The following TXNDC11 variants were observed in gnomAD, a reference collection of about 807,000 sequenced individuals.
The protein encoded by TXNDC11 is thioredoxin domain containing 11, also known as thioredoxin domain-containing protein 11.
In TXNDC11, 68 loss-of-function variants were observed where a neutral mutation model predicts 78.0. The observed-to-expected ratio is 0.87, with a 90% CI of 0.72 to 1.07. The LOEUF is 1.07. TXNDC11 is among the 50% of genes least tolerant of loss of function. The pLI, the probability that TXNDC11 is intolerant of heterozygous loss-of-function variation, is 0.00. For missense variants in TXNDC11, 1,389 were observed against 1,221.8 expected, an observed-to-expected ratio of 1.14 and a Z score of -2.04; for synonymous variants, 571 against 495.2, an observed-to-expected ratio of 1.15 and a Z score of -2.03.
At chr16:11,689,326 T>C (rs1028767464) in intron 8 of TXNDC11, among the ~76,000 whole-genome samples, 1 of 152,182 alleles carries the variant, frequency 6.6e-6, no homozygotes, top group Non-Finnish European at 1.5e-5. Flanking sequence ...GCGTGCAGAA[T>C]GGAAGAGGAA....
At position 11,679,628 on chromosome 16, in the gene TXNDC11, C is replaced by T. The variant is rs767623872; in HGVS notation, c.2444G>A (p.Ser815Asn). ...REIQKLRAEI[S>N]SLQRAQVQVE... ...CTGCACTTGTGCTCGCTGGAGGCTG[C>T]TTATTTCTGCTCTCAGTTTCTGGAT... Residue 815 changes from serine (S) to asparagine (N), a missense_variant, in exon 12 of 12, where the codon AGC becomes AAC. Ser to Asn is a conservative substitution (Grantham distance 46, BLOSUM62 1). Transcript: ENST00000283033. The surrounding 1 kb of genome is among the most constrained non-coding windows in gnomAD (Gnocchi z 4.6). 6 of 1,614,168 alleles carry T rather than the reference C, an allele frequency of 3.7e-6. No homozygotes were observed. The South Asian group carries it at 6.6e-5, about 18-fold the overall frequency.
chr16:11,736,281 A>T, intron 1 of TXNDC11, 48 bp from the exon 2 acceptor site: 4 of 1,412,528 alleles, frequency 2.8e-6, no homozygotes, highest in Non-Finnish European at 3.9e-6. Flanking sequence ...ATCTTCTTCT[A>T]AAAATAGCTC....
Position 11,691,812 on chromosome 16 carries a change from C to G in TXNDC11, c.1378G>C (p.Val460Leu), listed in dbSNP as rs375215030. ...ATTTCAAAAAAGCTGCACTGTGGCACGCTGACCGAGCTCGGCTTCATGCCC... is the reference window on the plus strand; with the variant it reads ...ATTTCAAAAAAGCTGCACTGTGGCAGGCTGACCGAGCTCGGCTTCATGCCC... The part of the protein sequence containing the change: ...SGGMKPSSVS[V>L]PQCSFFEMAA... Residue 460 changes from valine to leucine, a missense_variant, in exon 8 of 12, where the codon GTG (valine) becomes CTG (leucine). By Grantham distance (32) the Val-to-Leu change is conservative. Transcript: ENST00000283033. 6.2e-7 allele frequency: 1 copy of G among 1,614,234 alleles called. No individual in the cohort carries two copies. The highest frequency in any genetic ancestry group is 8.5e-7 in the Non-Finnish European group (1 of 1,180,038).
At chr16:11,720,395 A>C (rs977442520) in intron 5 of TXNDC11, among the ~76,000 whole-genome samples, 1 of 151,290 alleles carries the variant, frequency 6.6e-6, no homozygotes, top group East Asian at 1.9e-4. Context: ...TATACACACA[A>C]AAAAAGATTA....
At chr16:11,741,265 A>G (rs1399179712) in intron 1 of TXNDC11, among the ~76,000 whole-genome samples, 1 of 152,238 alleles carries the variant, frequency 6.6e-6, no homozygotes, top group Admixed American at 6.5e-5. Context: ...GAAATCACAG[A>G]TATCATAGTA....
intron 5 of TXNDC11, among the ~76,000 whole-genome samples, chr16:11,713,701 C>CCA (rs1044566157): frequency 3.3e-5 from 5 of 152,186 alleles, no homozygotes; most frequent in Admixed American, 1.3e-4. Flanking sequence ...CAGGTATGAG[C>CCA]CACAGCGCCC....
chr16:11,706,548 A>G (rs146419088), intron 5 of TXNDC11, among the ~76,000 whole-genome samples: 1 of 152,164 alleles, frequency 6.6e-6, no homozygotes, highest in Non-Finnish European at 1.5e-5. Context: ...GACTCATGAA[A>G]TCTTGCCTAC....
At chr16:11,710,337 G>A (rs1008601513) in intron 5 of TXNDC11, among the ~76,000 whole-genome samples, 2 of 25,102 alleles carry the variant, frequency 8.0e-5, no homozygotes, top group Non-Finnish European at 1.7e-4. Flanking sequence ...TCTCTGTCAC[G>A]TTCTCTTTTT....
chr16:11,742,327 G>T, intron 1 of TXNDC11, 150 bp downstream of exon 1: 1 of 559,522 alleles, frequency 1.8e-6, no homozygotes. Context: ...GTGGGAAGCC[G>T]TGGCCGCAGG....
rs545400656 is a variant in TXNDC11 at position 11,742,688 on chromosome 16, C to CGCTGCT, written c.37_42dup (p.Ser13_Ser14dup). The CGCTGCT allele has an allele frequency of 1.2e-5, 18 of 1,477,850 alleles. No homozygotes were observed. Among genetic ancestry groups the CGCTGCT allele is most frequent in the African/African-American group, 2.9e-5 (2 of 68,436 alleles). The allele number at this position is 1,477,850 out of a possible 1,614,324, so 91.5% of individuals were successfully genotyped here. ...CCCCCTCCCTCGTCCTCGGCGTCCT[C>CGCTGCT]GCTGCTGCTGCTGCCGCCGCCGCGG... On this transcript the variant is annotated inframe_insertion, in exon 1 of 12. Transcript: ENST00000283033.
chr16:11,689,767 C>A (rs2287199), intron 8 of TXNDC11, among the ~76,000 whole-genome samples: 1 of 152,096 alleles, frequency 6.6e-6, no homozygotes, highest in South Asian at 2.1e-4. Flanking sequence ...ACACTGACCC[C>A]ATTTCTCTGG....
At chr16:11,700,302 G>A in intron 6 of TXNDC11, 150 bp downstream of exon 6, 1 of 431,800 alleles carries the variant, frequency 2.3e-6, no homozygotes, top group Non-Finnish European at 4.1e-6. Context: ...GCTCTAGGGT[G>A]GGGCTGTAAG....
Position 11,687,926 on chromosome 16 carries a change from C to G in TXNDC11, c.2084G>C (p.Cys695Ser). ...LLYYAPWCGF[C>S]PSLNHIFIQL... Reference sequence around the variant, plus strand: ...GATGAAGATGTGATTGAGGGATGGACAGAAGCCGCACCACGGAGCGTAATA... The same window carrying G: ...GATGAAGATGTGATTGAGGGATGGAGAGAAGCCGCACCACGGAGCGTAATA... The change falls in exon 10 of 12, where the codon TGT becomes TCT. Residue 695 changes from cysteine to serine, a missense_variant. Transcript: ENST00000283033. 6.2e-7 allele frequency: 1 copy of G among 1,613,926 alleles called. No individual in the cohort carries two copies. The highest frequency in any genetic ancestry group is 1.7e-5 in the Admixed American group (1 of 60,004).
Position 11,730,648 on chromosome 16 carries a change from G to A in TXNDC11, c.696C>T (p.Tyr232=), listed in dbSNP as rs761050015. 2.0e-5 allele frequency: 32 copies of A among 1,613,414 alleles called. No homozygotes were observed. The highest frequency in any genetic ancestry group is 6.7e-5 in the African/African-American group (5 of 74,860). Residue 232 remains tyrosine, a synonymous_variant, in exon 4 of 12, where the codon TAC becomes TAT. Coordinates refer to ENST00000283033, the MANE Select transcript of TXNDC11 (RefSeq NM_015914.7). The stretch of plus-strand genomic sequence containing the variant: ...AGGAGATATGAAAGACAAGTACCTC[G>A]TAGTTTGAGAGAAAATCTAGTAATT... ...QSELLDFLSN[Y]EPGVLGYFEF...
rs149701958 is a variant in TXNDC11, at chr16:11,709,423, ATTTTTTTTTTTTTTT to A, written c.794-8874_794-8860del. Among the ~76,000 whole-genome samples, 183 of 55,578 alleles carry A rather than the reference ATTTTTTTTTTTTTTT, an allele frequency of 3.3e-3. 1 individual carries two copies. The highest frequency in any genetic ancestry group is 0.01 in the African/African-American group (130 of 12,758). The allele number at this position is 55,578 out of a possible 152,430, so 36.5% of individuals were successfully genotyped here. On this transcript the variant is annotated intron_variant, in intron 5 of 11. Transcript: ENST00000283033. ...CCACCATGCGTAGCTAATTTTTTGT[ATTTTTTTTTTTTTTT>A]TTTTTTTTTTTTTTGAGACGGAGTC... is the stretch of plus-strand genomic sequence containing the variant.
intron 4 of TXNDC11, among the ~76,000 whole-genome samples, chr16:11,730,051 A>G (rs961553215): frequency 2.6e-5 from 4 of 152,060 alleles, no homozygotes; most frequent in African/African-American, 9.7e-5. Flanking sequence ...CTGAGATTGC[A>G]CTCCAGCCTG....
intron 3 of TXNDC11, among the ~76,000 whole-genome samples, chr16:11,731,467 C>A (rs116635927): frequency 4.5e-4 from 68 of 152,270 alleles, no homozygotes; most frequent in African/African-American, 1.6e-3. Flanking sequence ...AGAATTCTCA[C>A]GTGCCTCTCT....
At chr16:11,692,653 G>A (rs1326702021) in intron 7 of TXNDC11, among the ~76,000 whole-genome samples, 1 of 152,180 alleles carries the variant, frequency 6.6e-6, no homozygotes, top group African/African-American at 2.4e-5. Flanking sequence ...GTGGTTTCAG[G>A]CATTCATTGG....
At chr16:11,711,661 T>C (rs1453956152) in intron 5 of TXNDC11, among the ~76,000 whole-genome samples, 3 of 152,350 alleles carry the variant, frequency 2.0e-5, no homozygotes, top group South Asian at 2.1e-4. Flanking sequence ...AATCTAATTC[T>C]ATTTGCTACC....
Sources: gnomAD v4.1 joint callset for allele counts (sites outside exome capture counted in the v4.1 genomes callset) on GRCh38, gnomAD v4.1.1 for gene constraint, Gnocchi (gnomAD v3.1) non-coding constraint, MANE v1.5 for transcripts, NCBI Gene and HGNC (gene_info 2026-07-23, HGNC 2026-07-21) for gene names.